SLC12A1: variants seen among roughly 807,000 people sequenced by gnomAD.
SLC12A1 encodes the protein Na-K-2Cl cotransporter.
Under a neutral mutation model 130.4 loss-of-function variants are expected in SLC12A1, and 89 were observed. That is an observed-to-expected ratio of 0.68 (90% CI 0.58 to 0.81). The LOEUF (loss-of-function observed/expected upper bound fraction) is 0.81. SLC12A1 is among the 40% of genes least tolerant of loss of function. The pLI, the probability that SLC12A1 is intolerant of heterozygous loss-of-function variation, is 0.00. For missense variants in SLC12A1, 1,310 were observed against 1,336.4 expected (o/e 0.98, Z 0.31); for synonymous variants, 499 against 460.0 (o/e 1.08, Z -1.09).
At chr15:48,285,277 A>T in intron 21 of SLC12A1, 28 bp downstream of exon 21, 1 of 1,610,610 alleles carries the variant, frequency 6.2e-7, no homozygotes. Flanking sequence ...TTTGCAAAAA[A>T]GTTTACAAGA....
At chr15:48,257,408 C>G (rs899359310) in intron 16 of SLC12A1, among the ~76,000 whole-genome samples, 2 of 152,154 alleles carry the variant, frequency 1.3e-5, no homozygotes, top group African/African-American at 4.8e-5. Context: ...GGGGCTCCGA[C>G]CCCACATTTT....
chr15:48,264,232 C>T (rs1411328736), intron 17 of SLC12A1, among the ~76,000 whole-genome samples: 2 of 152,146 alleles, frequency 1.3e-5, no homozygotes, highest in Admixed American at 6.5e-5. Flanking sequence ...AAGGGATGGA[C>T]TTTGACCGGC....
intron 5 of SLC12A1, chr15:48,227,605 A>T (rs1020959916): frequency 1.1e-5 from 2 of 179,856 alleles, no homozygotes; most frequent in African/African-American, 4.8e-5. Flanking sequence ...TGTGCTCCCA[A>T]TGACCAACAG....
intron 2 of SLC12A1, 131 bp from the exon 3 acceptor site, chr15:48,220,503 G>C: frequency 1.1e-6 from 1 of 896,020 alleles, no homozygotes; most frequent in Non-Finnish European, 1.6e-6. Context: ...AAAATTCTCA[G>C]AATATATTTA....
At chr15:48,280,199 C>T (rs1414433749) in intron 20 of SLC12A1, among the ~76,000 whole-genome samples, 1 of 149,210 alleles carries the variant, frequency 6.7e-6, no homozygotes, top group African/African-American at 2.5e-5. Flanking sequence ...GGGGACATAA[C>T]ATTTGAAGCA....
At chr15:48,261,712 A>T (rs1485449726) in intron 17 of SLC12A1, among the ~76,000 whole-genome samples, 3 of 152,236 alleles carry the variant, frequency 2.0e-5, no homozygotes, top group Admixed American at 2.0e-4. Context: ...TGGTTAGGCC[A>T]ACCTTGTGGA....
chr15:48,257,524 G>C (rs2041721801), intron 16 of SLC12A1, among the ~76,000 whole-genome samples: 1 of 152,176 alleles, frequency 6.6e-6, no homozygotes, highest in South Asian at 2.1e-4. Flanking sequence ...CATCTAGGAG[G>C]AGGTTCTCAA....
intron 25 of SLC12A1, among the ~76,000 whole-genome samples, chr15:48,300,571 G>A (rs1460201305): frequency 4.6e-5 from 7 of 152,042 alleles, no homozygotes; most frequent in Non-Finnish European, 1.5e-5. Flanking sequence ...AGCAAGAAAC[G>A]CTAAAAGCCT....
At chr15:48,248,781 G>A (rs1328254509) in intron 13 of SLC12A1, among the ~76,000 whole-genome samples, 7 of 152,188 alleles carry the variant, frequency 4.6e-5, no homozygotes, top group Non-Finnish European at 7.3e-5. Flanking sequence ...GGTGGCTTAC[G>A]CCTGTTCATC....
chr15:48,289,427 ATAAT>A lies in SLC12A1; in HGVS notation c.2873+912_2873+915del, dbSNP rs1287009067. ...TATATATATATATATATATATATAT[ATAAT>A]GTATAACTATGTATAACTGTATAAT... On this transcript the variant is annotated intron_variant, in intron 23 of 26. Transcript: ENST00000380993. Among the ~76,000 whole-genome samples, 155 of 108,552 alleles carry A rather than the reference ATAAT, an allele frequency of 1.4e-3. 2 individuals carry two copies. Among genetic ancestry groups the A allele is most frequent in the South Asian group, 1.7e-3 (6 of 3,542 alleles). 71.2% of individuals were successfully genotyped at this position (108,552 alleles called of 152,430 possible). A position where few individuals can be genotyped will look rare whatever the true frequency, so the allele number is the denominator to read the frequency against.
At chr15:48,286,505 TATTA>T (rs2141112792) in intron 21 of SLC12A1, among the ~76,000 whole-genome samples, 1 of 152,346 alleles carries the variant, frequency 6.6e-6, no homozygotes, top group Non-Finnish European at 1.5e-5. Context: ...AAATCTGCTC[TATTA>T]AGTGGTACAG....
In SLC12A1 at chr15:48,285,101, A is replaced by T. The variant is rs747123535; in HGVS notation, c.2486-5A>T. On this transcript the variant is annotated splice_region_variant and splice_polypyrimidine_tract_variant and intron_variant, in intron 20 of 26. Transcript: ENST00000380993. Reference sequence around the variant, plus strand: ...TAAGTAGGTGATTTTGTCTTCTTTCATCAGAGGAATTAGAGAGATTAGAAC... The same window carrying T: ...TAAGTAGGTGATTTTGTCTTCTTTCTTCAGAGGAATTAGAGAGATTAGAAC... The T allele has an allele frequency of 6.4e-7, 1 of 1,569,916 alleles. No homozygotes were observed. The highest frequency in any genetic ancestry group is 8.6e-7 in the Non-Finnish European group (1 of 1,159,870).
chr15:48,241,740 T>C, intron 10 of SLC12A1, 141 bp downstream of exon 10: 1 of 666,572 alleles, frequency 1.5e-6, no homozygotes, highest in Non-Finnish European at 2.7e-6. Flanking sequence ...ACCTTAATGT[T>C]AATGATGTGG....
chr15:48,215,426 C>G (rs2041109803), intron 2 of SLC12A1, among the ~76,000 whole-genome samples: 1 of 152,118 alleles, frequency 6.6e-6, no homozygotes, highest in African/African-American at 2.4e-5. Flanking sequence ...TTCCCTAAAG[C>G]TACATAATTT....
rs768502275 is a variant in SLC12A1 at position 48,299,174 on chromosome 15, C to T, written c.2995C>T (p.Arg999Cys). The change falls in exon 25 of 27, where the codon CGT becomes TGT. Residue 999 changes from arginine (R) to cysteine (C), a missense_variant. By Grantham distance (180) the Arg-to-Cys change is radical. Transcript: ENST00000380993. ...KVFEEMIEPY[R>C]LHESCKDLTT... is the part of the protein sequence containing the mutation. ...CTTTGAAGAGATGATTGAACCATAT[C>T]GTCTCCATGAAAGCTGCAAAGATTT... 6.8e-6 allele frequency: 11 copies of T among 1,606,080 alleles called. No individual in the cohort carries two copies. The East Asian group carries it at 9.0e-5, about 13-fold the overall frequency.
intron 2 of SLC12A1, among the ~76,000 whole-genome samples, chr15:48,218,801 G>T (rs554823599): frequency 1.3e-5 from 2 of 152,248 alleles, no homozygotes; most frequent in South Asian, 4.1e-4. Flanking sequence ...TGTTTTCAGA[G>T]CTCAAAGAAG....
chr15:48,227,083 T>G lies in SLC12A1; in HGVS notation c.724+512T>G, dbSNP rs1467110354. 5.2e-6 allele frequency: 8 copies of G among 1,551,482 alleles called. No homozygotes were observed. In the Admixed American group the frequency reaches 1.6e-4, roughly 30 times the overall value. On this transcript the variant is annotated intron_variant, in intron 5 of 26. Transcript: ENST00000380993. ...CTTTCTTGGGGGATTTTGCAGGTCTTGGAGTCATCATCATTGGCCTAAGTG... is the reference window on the plus strand; with the variant it reads ...CTTTCTTGGGGGATTTTGCAGGTCTGGGAGTCATCATCATTGGCCTAAGTG...
In SLC12A1 at chr15:48,220,799, A is replaced by T. The variant is rs757562973; in HGVS notation, c.552+34A>T. ...GCTCTTCTGTTTACAAATGAAAACT[A>T]TCCATTCAATGTTCTAGTGGATTAA... On this transcript the variant is annotated intron_variant, in intron 3 of 26. Coordinates refer to ENST00000380993, the MANE Select transcript of SLC12A1 (RefSeq NM_000338.3). 10 of 1,613,622 alleles carry T rather than the reference A, an allele frequency of 6.2e-6. No individual in the cohort carries two copies. In the African/African-American group the frequency reaches 1.2e-4, roughly 19 times the overall value.
At chr15:48,216,976 A>G (rs2041129213) in intron 2 of SLC12A1, among the ~76,000 whole-genome samples, 1 of 152,192 alleles carries the variant, frequency 6.6e-6, no homozygotes, top group African/African-American at 2.4e-5. Context: ...GGGGCTATTG[A>G]GCACTTGGAA....
Sources: allele counts gnomAD v4.1 joint callset (sites outside exome capture counted in the v4.1 genomes callset), GRCh38; gene constraint gnomAD v4.1.1; transcripts MANE v1.5; gene names NCBI Gene and HGNC (gene_info 2026-07-23, HGNC 2026-07-21).